Variants in PIEZO2 observed in about 807,000 individuals in gnomAD.
PIEZO2 encodes piezo-type mechanosensitive ion channel component 2.
A neutral mutation model predicts 337.3 loss-of-function variants in PIEZO2; 172 were observed. The ratio of observed to expected loss-of-function variants is 0.51; its 90% confidence interval spans 0.45 to 0.58. The LOEUF (loss-of-function observed/expected upper bound fraction) is 0.58, where lower values mean the gene tolerates loss of function less well. Among genes scored for constraint, PIEZO2 ranks in the 20% least tolerant of loss-of-function variants. The pLI is 0.00. For synonymous variants in PIEZO2, 1,251 were observed against 1,228.5 expected (o/e 1.02, Z -0.38); for missense variants, 3,028 against 3,391.3 (o/e 0.89, Z 2.66).
At position 10,677,618 on chromosome 18, in the gene PIEZO2, A is replaced by G; in HGVS notation, c.8081+129T>C. 8.3e-7 allele frequency: 1 copy of G among 1,197,672 alleles called. No individual in the cohort carries two copies. The highest frequency in any genetic ancestry group is 1.2e-6 in the Non-Finnish European group (1 of 850,050). 74.2% of individuals were successfully genotyped at this position (1,197,672 alleles called of 1,614,324 possible). On this transcript the variant is annotated intron_variant, in intron 53 of 55. Coordinates refer to ENST00000674853, the MANE Select transcript of PIEZO2 (RefSeq NM_001378183.1). This position sits in a 1 kb window ranked among gnomAD's most constrained non-coding sequence, Gnocchi z 4.1. ...TTAATCTTGCAAAATGGGGCCTCCAAATAGAAATTAACTTTGTGTTACCAA... is the reference window on the plus strand; with the variant it reads ...TTAATCTTGCAAAATGGGGCCTCCAGATAGAAATTAACTTTGTGTTACCAA...
chr18:10,836,957 A>G (rs1340079792), intron 7 of PIEZO2, among the ~76,000 whole-genome samples: 2 of 152,206 alleles, frequency 1.3e-5, no homozygotes, highest in South Asian at 2.1e-4. Context: ...TCTTGGTAAT[A>G]TGATCAAAGG....
rs1015758583 is a variant in PIEZO2, at chr18:10,714,873, G to T, written c.5314C>A (p.Leu1772Ile). 6.5e-7 allele frequency: 1 copy of T among 1,537,240 alleles called. No homozygotes were observed. Among genetic ancestry groups the T allele is most frequent in the East Asian group, 2.4e-5 (1 of 40,910 alleles). Reference protein sequence around the residue: ...HMYYQNHIMNLSRESGLDTID... With the variant: ...HMYYQNHIMNISRESGLDTID... ...GTGTCCAGTCCCGACTCTCTGGAAA[G>T]GTTCATGATGTGGTTCTGATAGTAC... The change falls in exon 39 of 56, where the codon CTT (leucine) becomes ATT (isoleucine). Residue 1772 changes from leucine to isoleucine, a missense_variant. Physicochemically the swap from Leu to Ile is conservative, Grantham distance 5. Transcript: ENST00000674853.
rs1320273949 is a variant in PIEZO2, at chr18:10,954,918, A to G, written c.286+24617T>C. Among the ~76,000 whole-genome samples the G allele has an allele frequency of 6.6e-6, 1 of 152,236 alleles. No individual in the cohort carries two copies. Among genetic ancestry groups the G allele is most frequent in the Non-Finnish European group, 1.5e-5 (1 of 68,040 alleles). On this transcript the variant is annotated intron_variant, in intron 3 of 55. Transcript: ENST00000674853. This position sits in a 1 kb window ranked among gnomAD's most constrained non-coding sequence, Gnocchi z 4.2. Reference sequence around the variant, plus strand: ...GAGATTGAATATATTTTCTGGGTTCATTAAAATTATTCTTGCACTTTAGAT... The same window carrying G: ...GAGATTGAATATATTTTCTGGGTTCGTTAAAATTATTCTTGCACTTTAGAT...
intron 35 of PIEZO2, among the ~76,000 whole-genome samples, chr18:10,734,101 GT>G (rs1206955955): frequency 6.6e-6 from 1 of 152,172 alleles, no homozygotes; most frequent in Non-Finnish European, 1.5e-5. Flanking sequence ...CCTTCTTTAT[GT>G]TGTCTGTAAG....
intron 3 of PIEZO2, among the ~76,000 whole-genome samples, chr18:10,956,037 C>T (rs2033506435): frequency 6.6e-6 from 1 of 152,080 alleles, no homozygotes; most frequent in African/African-American, 2.4e-5. Flanking sequence ...TGCTTAAGTC[C>T]AATTTCCATT....
At position 11,110,675 on chromosome 18, in the gene PIEZO2, C is replaced by T. The variant is rs2039703239; in HGVS notation, c.64+37850G>A. 6.6e-6 allele frequency among the ~76,000 whole-genome samples: 1 copy of T among 152,242 alleles called. No homozygotes were observed. The highest frequency in any genetic ancestry group is 1.5e-5 in the Non-Finnish European group (1 of 68,044). ...AAGTCAGTGGCCTCTGATGCGATGC[C>T]TCGTCATCCTTTCCGCCCCTCCCCG... is the stretch of plus-strand genomic sequence containing the variant. On this transcript the variant is annotated intron_variant, in intron 1 of 55. Transcript: ENST00000674853. The surrounding 1 kb of genome is among the most constrained non-coding windows in gnomAD (Gnocchi z 4.2).
chr18:10,699,206 G>A (rs758619107), intron 43 of PIEZO2, 29 bp from the exon 44 acceptor site: 2 of 1,536,662 alleles, frequency 1.3e-6, no homozygotes, highest in South Asian at 1.2e-5. Flanking sequence ...GGACAAATGA[G>A]GCTACTGTTT....
intron 1 of PIEZO2, among the ~76,000 whole-genome samples, chr18:11,067,382 C>A (rs2038187480): frequency 6.6e-6 from 1 of 151,920 alleles, no homozygotes. Flanking sequence ...ACCATACTTT[C>A]TTTAAGAAAA....
At position 10,705,496 on chromosome 18, in the gene PIEZO2, C is replaced by T; in HGVS notation, c.5839G>A (p.Ala1947Thr). Reference protein sequence around the residue: ...DVEAPPSYSKAVSFEHLSFGS... With the variant: ...DVEAPPSYSKTVSFEHLSFGS... ...AAGGACAGATGCTCGAAGCTCACAG[C>T]CTTGCTGTAGGAGGGTGGGGCCTCC... The change falls in exon 41 of 56, where the codon GCT becomes ACT. Residue 1947 changes from alanine to threonine, a missense_variant. Physicochemically the swap from Ala to Thr is moderately conservative, Grantham distance 58. Transcript: ENST00000674853. The T allele has an allele frequency of 6.5e-7, 1 of 1,537,250 alleles. No homozygotes were observed. Among genetic ancestry groups the T allele is most frequent in the Non-Finnish European group, 8.7e-7 (1 of 1,146,902 alleles).
chr18:10,970,664 A>G (rs201166544), intron 3 of PIEZO2, among the ~76,000 whole-genome samples: 2 of 107,262 alleles, frequency 1.9e-5, no homozygotes, highest in African/African-American at 5.7e-5. Context: ...GATGTTTCAC[A>G]CACACACACA....
Position 10,794,849 on chromosome 18 carries a change from A to G in PIEZO2, c.1681T>C (p.Trp561Arg), listed in dbSNP as rs955888636. 6.5e-7 allele frequency: 1 copy of G among 1,537,210 alleles called. No individual in the cohort carries two copies. The highest frequency in any genetic ancestry group is 8.7e-7 in the Non-Finnish European group (1 of 1,146,746). Residue 561 changes from tryptophan to arginine, a missense_variant, in exon 13 of 56, where the codon TGG becomes CGG. Physicochemically the swap from Trp to Arg is moderately radical, Grantham distance 101. Coordinates refer to ENST00000674853, the MANE Select transcript of PIEZO2 (RefSeq NM_001378183.1). The surrounding 1 kb of genome is among the most constrained non-coding windows in gnomAD (Gnocchi z 6.6). ...GNLLLILQYI[W>R]SFELPEIKKV... Reference sequence around the variant, plus strand: ...TTAATTTCAGGAAGTTCAAAACTCCATATATACTGTAATATCAACAATAGG... The same window carrying G: ...TTAATTTCAGGAAGTTCAAAACTCCGTATATACTGTAATATCAACAATAGG...
Position 10,888,421 on chromosome 18 carries a change from T to C in PIEZO2, c.330-17006A>G, listed in dbSNP as rs1224581696. On this transcript the variant is annotated intron_variant, in intron 4 of 55. Transcript: ENST00000674853. The surrounding 1 kb of genome is among the most constrained non-coding windows in gnomAD (Gnocchi z 4.1). ...CTTTCTCTGCTCCAAGCCTTTCTAC[T>C]CTCTGGGCTCCATTCCTTCAGAAAG... Among the ~76,000 whole-genome samples the C allele has an allele frequency of 6.6e-6, 1 of 152,114 alleles. No homozygotes were observed. The highest frequency in any genetic ancestry group is 1.5e-5 in the Non-Finnish European group (1 of 68,022).
chr18:10,726,924 C>T lies in PIEZO2; in HGVS notation c.5029+4483G>A, dbSNP rs1469939944. On this transcript the variant is annotated intron_variant, in intron 36 of 55. Coordinates refer to ENST00000674853, the MANE Select transcript of PIEZO2 (RefSeq NM_001378183.1). The surrounding 1 kb of genome is among the most constrained non-coding windows in gnomAD (Gnocchi z 5.9). Reference sequence around the variant, plus strand: ...GGCTGGATGTGGCGGAGCTGGGTCGCCTGCTGCCCGACTGATGTAGGTTGA... The same window carrying T: ...GGCTGGATGTGGCGGAGCTGGGTCGTCTGCTGCCCGACTGATGTAGGTTGA... The T allele has an allele frequency of 1.9e-6, 3 of 1,556,046 alleles. No individual in the cohort carries two copies. Among genetic ancestry groups the T allele is most frequent in the African/African-American group, 2.7e-5 (2 of 73,238 alleles).
At chr18:10,791,450 A>C in intron 13 of PIEZO2, 126 bp from the exon 14 acceptor site, 1 of 1,094,226 alleles carries the variant, frequency 9.1e-7, no homozygotes, top group South Asian at 1.9e-5. Flanking sequence ...TATTGGAGAC[A>C]GAGTCAGGTC....
rs1005732519 is a variant in PIEZO2 at position 11,101,652 on chromosome 18, A to C, written c.65-35430T>G. Among the ~76,000 whole-genome samples, 2 of 152,200 alleles carry C rather than the reference A, an allele frequency of 1.3e-5. No individual in the cohort carries two copies. The highest frequency in any genetic ancestry group is 2.9e-5 in the Non-Finnish European group (2 of 68,042). ...ATTTCTCAAACCTGTCAATTTGAAAAACCGATGACTATGTTCAGTGTTTAT... is the reference window on the plus strand; with the variant it reads ...ATTTCTCAAACCTGTCAATTTGAAACACCGATGACTATGTTCAGTGTTTAT... On this transcript the variant is annotated intron_variant, in intron 1 of 55. Transcript: ENST00000674853. This position sits in a 1 kb window ranked among gnomAD's most constrained non-coding sequence, Gnocchi z 4.4.
chr18:11,093,239 G>C (rs551933627), intron 1 of PIEZO2, among the ~76,000 whole-genome samples: 3 of 152,166 alleles, frequency 2.0e-5, no homozygotes, highest in Non-Finnish European at 4.4e-5. Flanking sequence ...ATTTGCGGGA[G>C]TGACCTATAC....
chr18:10,877,025 C>T lies in PIEZO2; in HGVS notation c.330-5610G>A, dbSNP rs1050829225. Among the ~76,000 whole-genome samples, 1 of 152,192 alleles carries T rather than the reference C, an allele frequency of 6.6e-6. No homozygotes were observed. Among genetic ancestry groups the T allele is most frequent in the Non-Finnish European group, 1.5e-5 (1 of 68,032 alleles). ...TCTTACACTCTCTTCTAATTCTCTA[C>T]CTACCTATGAATATCCATGAAAACT... On this transcript the variant is annotated intron_variant, in intron 4 of 55. Coordinates refer to ENST00000674853, the MANE Select transcript of PIEZO2 (RefSeq NM_001378183.1). The surrounding 1 kb of genome is among the most constrained non-coding windows in gnomAD (Gnocchi z 5.3).
At chr18:11,135,409 G>A (rs576053341) in intron 1 of PIEZO2, among the ~76,000 whole-genome samples, 19 of 152,268 alleles carry the variant, frequency 1.2e-4, no homozygotes, top group Non-Finnish European at 1.8e-4. Context: ...ATCAGAGTAT[G>A]ATTTTAAAAA....
intron 33 of PIEZO2, chr18:10,740,810 C>T: frequency 1.5e-6 from 1 of 678,310 alleles, no homozygotes; most frequent in Admixed American, 2.1e-5. Flanking sequence ...TTTCTACAGC[C>T]AGCACAAGAA....
Sources: allele counts gnomAD v4.1 joint callset (sites outside exome capture counted in the v4.1 genomes callset), GRCh38; gene constraint gnomAD v4.1.1; non-coding constraint Gnocchi (gnomAD v3.1); transcripts MANE v1.5; gene names NCBI Gene and HGNC (gene_info 2026-07-23, HGNC 2026-07-21).